ABTB3: variants seen among roughly 807,000 people sequenced by gnomAD.
ABTB3 encodes the protein ankyrin repeat- and BTB/POZ domain-containing protein 3.
chr12:107,412,394 A>T, the ABTB3 span, among the ~76,000 whole-genome samples: 2 of 152,226 alleles, frequency 1.3e-5, no homozygotes, highest in Admixed American at 1.3e-4. Context: ...CAAGCAGGAC[A>T]CATTAGTCCT....
At chr12:107,523,315 C>G in the ABTB3 span, among the ~76,000 whole-genome samples, 2 of 152,158 alleles carry the variant, frequency 1.3e-5, no homozygotes, top group African/African-American at 4.8e-5. Context: ...CGCTTCCATT[C>G]CCTTCAAACC....
chr12:107,318,483 A>C, the ABTB3 span: 1 of 156,486 alleles, frequency 6.4e-6, no homozygotes, highest in African/African-American at 2.4e-5. Context: ...CGCCGAGCGA[A>C]CCAGGGCCGG....
At chr12:107,577,803 C>T in the ABTB3 span, among the ~76,000 whole-genome samples, 762 of 152,186 alleles carry the variant, frequency 5.0e-3, 4 homozygotes, top group Admixed American at 0.012. Flanking sequence ...GATGCCCAGG[C>T]CCTACCCCAA....
chr12:107,610,440 C>A, the ABTB3 span: 1 of 1,530,878 alleles, frequency 6.5e-7, no homozygotes, highest in Non-Finnish European at 8.9e-7. Context: ...GGTGAATCCC[C>A]TCTGCAGGCG....
At chr12:107,469,152 G>A in the ABTB3 span, among the ~76,000 whole-genome samples, 1 of 152,124 alleles carries the variant, frequency 6.6e-6, no homozygotes, top group African/African-American at 2.4e-5. Flanking sequence ...ACCCCACTCC[G>A]GCCACCAGCA....
chr12:107,623,259 C>T, the ABTB3 span, among the ~76,000 whole-genome samples: 1 of 151,700 alleles, frequency 6.6e-6, no homozygotes, highest in Non-Finnish European at 1.5e-5. Context: ...CAGGATTTCA[C>T]CGTGTTGGCC....
the ABTB3 span, among the ~76,000 whole-genome samples, chr12:107,648,225 CA>C: frequency 6.6e-6 from 1 of 152,004 alleles, no homozygotes; most frequent in African/African-American, 2.4e-5. Flanking sequence ...TACTAAAATA[CA>C]AAAAACTAGC....
At chr12:107,346,785 A>G in the ABTB3 span, among the ~76,000 whole-genome samples, 1 of 152,248 alleles carries the variant, frequency 6.6e-6, no homozygotes, top group East Asian at 1.9e-4. Flanking sequence ...TTTGTCAATA[A>G]AAAGTACAAT....
the ABTB3 span, chr12:107,649,449 A>G: frequency 2.7e-5 from 17 of 624,158 alleles, no homozygotes; most frequent in African/African-American, 2.9e-4. Flanking sequence ...CCCAAACAGG[A>G]AGGGCTTCTC....
the ABTB3 span, chr12:107,618,058 C>T: frequency 8.9e-7 from 1 of 1,128,580 alleles, no homozygotes; most frequent in South Asian, 1.5e-5. Context: ...TCACCCCTCC[C>T]AAGCTAGTGG....
At chr12:107,370,047 T>A in the ABTB3 span, among the ~76,000 whole-genome samples, 13 of 152,246 alleles carry the variant, frequency 8.5e-5, no homozygotes, top group South Asian at 2.5e-3. Flanking sequence ...TCTGTAAGAG[T>A]TAAATGCTAG....
At chr12:107,420,069 G>T in the ABTB3 span, among the ~76,000 whole-genome samples, 1 of 152,204 alleles carries the variant, frequency 6.6e-6, no homozygotes, top group Non-Finnish European at 1.5e-5. Context: ...AGATGTGCAC[G>T]TTGGAAAGAT....
At chr12:107,418,604 A>T in the ABTB3 span, among the ~76,000 whole-genome samples, 68 of 152,318 alleles carry the variant, frequency 4.5e-4, no homozygotes, top group African/African-American at 1.5e-3. Flanking sequence ...TCCACAGAGG[A>T]CAGGGCTGTG....
the ABTB3 span, among the ~76,000 whole-genome samples, chr12:107,352,079 C>G: frequency 6.6e-6 from 1 of 152,304 alleles, no homozygotes; most frequent in East Asian, 1.9e-4. Context: ...ACTAAGCAGA[C>G]AGTTCTGCCC....
At chr12:107,394,650 G>T in the ABTB3 span, among the ~76,000 whole-genome samples, 3 of 152,140 alleles carry the variant, frequency 2.0e-5, no homozygotes, top group African/African-American at 7.2e-5. Flanking sequence ...TAACCTCTTT[G>T]TGCCTCAGTT....
chr12:107,456,965 T>C, the ABTB3 span, among the ~76,000 whole-genome samples: 1 of 152,164 alleles, frequency 6.6e-6, no homozygotes, highest in African/African-American at 2.4e-5. Context: ...GTTCAAGTGA[T>C]TCTCCTGCCT....
chr12:107,544,082 A>G, the ABTB3 span: 1 of 1,614,096 alleles, frequency 6.2e-7, no homozygotes, highest in Non-Finnish European at 8.5e-7. Context: ...CACTGCCCAC[A>G]AATGGAATGG....
the ABTB3 span, among the ~76,000 whole-genome samples, chr12:107,486,030 A>C: frequency 3.3e-5 from 5 of 152,234 alleles, no homozygotes; most frequent in Admixed American, 2.6e-4. Context: ...AATGTGCTTG[A>C]CCTTATTATT....
the ABTB3 span, among the ~76,000 whole-genome samples, chr12:107,541,349 G>T: frequency 2.0e-5 from 3 of 152,376 alleles, no homozygotes; most frequent in East Asian, 5.8e-4. Context: ...GAGAGGGAAT[G>T]GGGGAGCCCC....
Sources: gnomAD v4.1 joint callset for allele counts (sites outside exome capture counted in the v4.1 genomes callset) on GRCh38, gnomAD v4.1.1 for gene constraint, MANE v1.5 for transcripts, NCBI Gene and HGNC (gene_info 2026-07-23, HGNC 2026-07-21) for gene names.